The following SRFBP1 variants were observed in gnomAD, a reference collection of about 807,000 sequenced individuals.
SRFBP1 encodes the protein serum response factor binding protein 1.
In SRFBP1, 47 loss-of-function variants were observed where a neutral mutation model predicts 45.5. The observed-to-expected ratio is 1.03, with a 90% CI of 0.82 to 1.32. The LOEUF (loss-of-function observed/expected upper bound fraction) is 1.32, where lower values mean the gene tolerates loss of function less well. SRFBP1 is among the 40% of genes most tolerant of loss of function. The pLI, the probability that SRFBP1 is intolerant of heterozygous loss-of-function variation, is 0.00. For synonymous variants in SRFBP1, 203 were observed against 166.3 expected (o/e 1.22, Z -1.70); for missense variants, 621 against 484.6 (o/e 1.28, Z -2.64).
chr5:122,001,382 A>G (rs1752864417), intron 4 of SRFBP1, among the ~76,000 whole-genome samples: 1 of 148,524 alleles, frequency 6.7e-6, no homozygotes, highest in African/African-American at 2.4e-5. Flanking sequence ...TGGCCCTTTT[A>G]TTTTTATTTT....
intron 2 of SRFBP1, among the ~76,000 whole-genome samples, chr5:122,039,354 G>T (rs1753737978): frequency 6.6e-6 from 1 of 152,130 alleles, no homozygotes; most frequent in South Asian, 2.1e-4. Context: ...AATTGCCTCT[G>T]TTGAGGAAGG....
rs540970237 is a variant in SRFBP1, at chr5:121,973,486, T to G, written c.37-710T>G. Among the ~76,000 whole-genome samples the G allele has an allele frequency of 1.0e-3, 158 of 151,872 alleles. 2 individuals are homozygous for G. Among genetic ancestry groups the G allele is most frequent in the African/African-American group, 3.8e-3 (156 of 41,488 alleles). ...GCCATTGCACTGAAAGCTGTTATAA[T>G]GTGTATTTTTTTTATAACTATAATT... On this transcript the variant is annotated intron_variant, in intron 1 of 7. Transcript: ENST00000339397.
chr5:121,987,891 A>G (rs1480846208), intron 3 of SRFBP1, among the ~76,000 whole-genome samples: 1 of 152,226 alleles, frequency 6.6e-6, no homozygotes, highest in African/African-American at 2.4e-5. Context: ...GCTTAACCAG[A>G]GGCAGCACTG....
intron 2 of SRFBP1, 23 bp from the exon 3 acceptor site, chr5:121,975,292 A>AT (rs1561577092): frequency 6.2e-7 from 1 of 1,611,574 alleles, no homozygotes; most frequent in South Asian, 1.1e-5. Context: ...GCCTGGCTAC[A>AT]TATCGTAATG....
chr5:121,962,103 G>T lies in SRFBP1; in HGVS notation c.36+35G>T, dbSNP rs778906620. 1.9e-6 allele frequency: 3 copies of T among 1,613,438 alleles called. No homozygotes were observed. In the South Asian group the frequency reaches 3.3e-5, roughly 18 times the overall value. Reference sequence around the variant, plus strand: ...GAGGAACCTATGGGGCTGACTTTAAGGGTCCTCAAAACCAGCTCTTTTGAG... The same window carrying T: ...GAGGAACCTATGGGGCTGACTTTAATGGTCCTCAAAACCAGCTCTTTTGAG... On this transcript the variant is annotated intron_variant, in intron 1 of 7. Coordinates refer to ENST00000339397, the MANE Select transcript of SRFBP1 (RefSeq NM_152546.3).
intron 1 of SRFBP1, among the ~76,000 whole-genome samples, chr5:121,963,884 G>A (rs1752005279): frequency 6.6e-6 from 1 of 151,664 alleles, no homozygotes; most frequent in African/African-American, 2.4e-5. Context: ...AAAGGAAAGA[G>A]AGATTTATCT....
chr5:122,019,981 A>T, intron 5 of SRFBP1, 107 bp from the exon 6 acceptor site: 1 of 673,204 alleles, frequency 1.5e-6, no homozygotes, highest in South Asian at 2.9e-5. Flanking sequence ...ATCAATTCCA[A>T]CTGCCCTCTT....
chr5:122,006,048 G>C (rs894396020), intron 4 of SRFBP1, among the ~76,000 whole-genome samples: 1 of 152,052 alleles, frequency 6.6e-6, no homozygotes, highest in African/African-American at 2.4e-5. Flanking sequence ...TCAACTCAAA[G>C]AACTCCCTTT....
chr5:122,034,887 T>A (rs912010759), intron 2 of SRFBP1, among the ~76,000 whole-genome samples: 1 of 152,166 alleles, frequency 6.6e-6, no homozygotes, highest in East Asian at 1.9e-4. Flanking sequence ...TTACTCTTAG[T>A]GATCCTGCCA....
chr5:122,063,069 C>G (rs1037044045), intron 2 of SRFBP1: 5 of 151,740 alleles, frequency 3.3e-5, no homozygotes, highest in African/African-American at 1.2e-4. Context: ...CCAGTGTGAC[C>G]TAATTAAACA....
chr5:121,999,048 T>C (rs1037127973), intron 4 of SRFBP1, among the ~76,000 whole-genome samples: 1 of 152,192 alleles, frequency 6.6e-6, no homozygotes, highest in African/African-American at 2.4e-5. Flanking sequence ...TTTGTGTTTT[T>C]TTCTGGTTTC....
At chr5:122,016,215 G>A (rs1041886206) in intron 4 of SRFBP1, among the ~76,000 whole-genome samples, 1 of 152,068 alleles carries the variant, frequency 6.6e-6, no homozygotes, top group African/African-American at 2.4e-5. Context: ...CATCATCCTG[G>A]GAAGTTCCTT....
intron 4 of SRFBP1, among the ~76,000 whole-genome samples, chr5:122,000,483 A>G (rs966162318): frequency 2.6e-5 from 4 of 151,982 alleles, no homozygotes; most frequent in Non-Finnish European, 5.9e-5. Context: ...ATCTGCTGGC[A>G]GTAAGTTTCT....
chr5:122,077,668 C>A (rs201057470), downstream of SRFBP1: 2 of 1,604,352 alleles, frequency 1.2e-6, no homozygotes, highest in Admixed American at 3.4e-5. This position sits in a 1 kb window ranked among gnomAD's most constrained non-coding sequence, Gnocchi z 4.9. Flanking sequence ...ATGAGCCGGC[C>A]GTCCGCGTTC....
At chr5:121,971,024 A>G (rs551691788) in intron 1 of SRFBP1, among the ~76,000 whole-genome samples, 57 of 152,070 alleles carry the variant, frequency 3.7e-4, no homozygotes, top group Admixed American at 2.2e-3. Context: ...GGAAAAAAGA[A>G]CATTCTGACC....
chr5:121,979,606 T>G (rs1752367367), intron 3 of SRFBP1, among the ~76,000 whole-genome samples: 1 of 152,206 alleles, frequency 6.6e-6, no homozygotes, highest in Non-Finnish European at 1.5e-5. Flanking sequence ...TGTTATCAAA[T>G]CAGACTCAAC....
chr5:121,998,654 T>C (rs1367230042), intron 4 of SRFBP1, among the ~76,000 whole-genome samples: 2 of 52,956 alleles, frequency 3.8e-5, no homozygotes, highest in Non-Finnish European at 7.7e-5. Flanking sequence ...ACCCTAAAAC[T>C]TAAAGTATAA....
intron 2 of SRFBP1, chr5:122,070,521 A>G: frequency 6.2e-7 from 1 of 1,606,986 alleles, no homozygotes; most frequent in Non-Finnish European, 8.5e-7. Flanking sequence ...CAGGTTTTAC[A>G]TCTGTAATAT....
chr5:121,966,268 G>A (rs774747185), intron 1 of SRFBP1, among the ~76,000 whole-genome samples: 2 of 152,050 alleles, frequency 1.3e-5, no homozygotes, highest in Admixed American at 6.6e-5. Context: ...TTATTCTTGC[G>A]AAGTAAAGTA....
Sources: allele counts gnomAD v4.1 joint callset (sites outside exome capture counted in the v4.1 genomes callset), GRCh38; gene constraint gnomAD v4.1.1; non-coding constraint Gnocchi (gnomAD v3.1); transcripts MANE v1.5; gene names NCBI Gene and HGNC (gene_info 2026-07-23, HGNC 2026-07-21).